ASTN2: variants seen among roughly 807,000 people sequenced by gnomAD.
ASTN2 encodes the protein astrotactin-2.
A neutral mutation model predicts 139.8 loss-of-function variants in ASTN2; 54 were observed. The ratio of observed to expected loss-of-function variants is 0.39; its 90% confidence interval spans 0.31 to 0.48. ASTN2 has a LOEUF of 0.48. ASTN2 is among the 20% of genes least tolerant of loss of function. ASTN2 has a pLI of 0.95. For missense variants in ASTN2, 1,565 were observed against 1,725.1 expected (o/e 0.91, Z 1.64); for synonymous variants, 756 against 719.5 (o/e 1.05, Z -0.81).
intron 17 of ASTN2, among the ~76,000 whole-genome samples, chr9:116,651,167 T>G (rs1045193260): frequency 2.0e-5 from 3 of 152,070 alleles, no homozygotes; most frequent in Admixed American, 6.5e-5. Context: ...TCCACCCGCC[T>G]TGGCCTCCCA....
intron 1 of ASTN2, among the ~76,000 whole-genome samples, chr9:117,364,147 C>G (rs1829769220): frequency 6.6e-6 from 1 of 152,276 alleles, no homozygotes; most frequent in African/African-American, 2.4e-5. Flanking sequence ...CTACAACACC[C>G]CACAGAGTAG....
intron 13 of ASTN2, among the ~76,000 whole-genome samples, chr9:116,790,482 G>A (rs1040639912): frequency 1.9e-4 from 29 of 151,764 alleles, no homozygotes; most frequent in African/African-American, 6.5e-4. Flanking sequence ...TGACTTTCAC[G>A]TCTGCAGACC....
intron 2 of ASTN2, among the ~76,000 whole-genome samples, chr9:117,225,539 A>G (rs4440692): frequency 0.24 from 7,101 of 29,652 alleles, 1,322 homozygotes; most frequent in East Asian, 0.5. Flanking sequence ...CTGTATGTAT[A>G]TATATATATA....
At chr9:116,600,412 G>A (rs955054929) in intron 19 of ASTN2, among the ~76,000 whole-genome samples, 2 of 152,028 alleles carry the variant, frequency 1.3e-5, no homozygotes, top group Non-Finnish European at 2.9e-5. Flanking sequence ...CCTGATCCAT[G>A]GGCTTCTTGC....
intron 4 of ASTN2, among the ~76,000 whole-genome samples, chr9:117,111,874 C>A (rs2132789323): frequency 6.6e-6 from 1 of 151,930 alleles, no homozygotes; most frequent in South Asian, 2.1e-4. Flanking sequence ...TTAAAGATGA[C>A]ATAATTATTT....
chr9:117,216,838 A>G (rs61530386), intron 2 of ASTN2, among the ~76,000 whole-genome samples: 2,651 of 152,268 alleles, frequency 0.017, 70 homozygotes, highest in African/African-American at 0.061. Context: ...CTAATCCTTG[A>G]TAAACACAAG....
chr9:116,972,700 G>A (rs1836244192), intron 10 of ASTN2, among the ~76,000 whole-genome samples: 1 of 152,124 alleles, frequency 6.6e-6, no homozygotes, highest in African/African-American at 2.4e-5. Context: ...GTCACAGCCT[G>A]TACATTTAAC....
At chr9:116,532,743 T>C (rs1490922376) in intron 19 of ASTN2, among the ~76,000 whole-genome samples, 8 of 152,294 alleles carry the variant, frequency 5.3e-5, no homozygotes, top group South Asian at 4.1e-4. Flanking sequence ...GTACCAGTAC[T>C]ATGCTGTTTT....
At chr9:116,773,104 T>C (rs10739473) in intron 13 of ASTN2, among the ~76,000 whole-genome samples, 55,764 of 144,950 alleles carry the variant, frequency 0.38, 13,160 homozygotes, top group Non-Finnish European at 0.53. Flanking sequence ...TTTTTTTGAA[T>C]ACCTGTCTTG....
At chr9:116,547,152 G>A (rs1852132563) in intron 19 of ASTN2, among the ~76,000 whole-genome samples, 2 of 152,150 alleles carry the variant, frequency 1.3e-5, no homozygotes, top group Admixed American at 1.3e-4. Flanking sequence ...TTCCAGAGAA[G>A]ACCAAGGTCA....
At chr9:116,993,458 T>TCAAA (rs528281168) in intron 7 of ASTN2, among the ~76,000 whole-genome samples, 1 of 148,224 alleles carries the variant, frequency 6.7e-6, no homozygotes, top group Non-Finnish European at 1.5e-5. Context: ...TCTACAGGCT[T>TCAAA]CACACACACA....
intron 10 of ASTN2, among the ~76,000 whole-genome samples, chr9:116,973,154 CTTACTAGTGAAGGCA>C (rs1383887769): frequency 1.3e-5 from 2 of 152,102 alleles, no homozygotes; most frequent in African/African-American, 4.8e-5. Flanking sequence ...GGCTTCATCT[CTTACTAGTGAAGGCA>C]TTACCTCTAT....
intron 16 of ASTN2, among the ~76,000 whole-genome samples, chr9:116,664,788 T>C (rs997246209): frequency 1.3e-4 from 20 of 152,206 alleles, no homozygotes; most frequent in Non-Finnish European, 2.8e-4. Context: ...TAGTGAGGAA[T>C]ATTCCAAACA....
intron 13 of ASTN2, among the ~76,000 whole-genome samples, chr9:116,800,702 G>A (rs758548146): frequency 1.6e-4 from 25 of 152,282 alleles, no homozygotes; most frequent in Admixed American, 3.9e-4. Flanking sequence ...AGGGAGCACT[G>A]GTTTGGGAGT....
chr9:117,001,331 T>A (rs1837185652), intron 7 of ASTN2, among the ~76,000 whole-genome samples: 1 of 152,314 alleles, frequency 6.6e-6, no homozygotes, highest in Non-Finnish European at 1.5e-5. Flanking sequence ...CTTCAGGGTT[T>A]AGTTTTTCCA....
At chr9:117,366,684 C>T (rs1587985090) in intron 1 of ASTN2, among the ~76,000 whole-genome samples, 2 of 152,244 alleles carry the variant, frequency 1.3e-5, no homozygotes, top group Admixed American at 1.3e-4. Flanking sequence ...AGCTCCTGCA[C>T]CCTCCAAGGC....
At chr9:117,198,617 T>G (rs2132984160) in intron 3 of ASTN2, among the ~76,000 whole-genome samples, 1 of 152,308 alleles carries the variant, frequency 6.6e-6, no homozygotes, top group Middle Eastern at 3.4e-3. Context: ...TGCATGTATC[T>G]TTATAGAATG....
intron 19 of ASTN2, among the ~76,000 whole-genome samples, chr9:116,570,361 G>T (rs4837635): frequency 0.16 from 24,487 of 150,480 alleles, 2,156 homozygotes; most frequent in African/African-American, 0.22. Context: ...ATCACCTATT[G>T]TTCTACAGGT....
intron 11 of ASTN2, among the ~76,000 whole-genome samples, chr9:116,862,497 G>A (rs1588363341): frequency 6.6e-6 from 1 of 152,118 alleles, no homozygotes; most frequent in Admixed American, 6.6e-5. Flanking sequence ...GGAGGGAAAA[G>A]GCTTCATAAA....
Sources: allele counts gnomAD v4.1 joint callset (sites outside exome capture counted in the v4.1 genomes callset), GRCh38; gene constraint gnomAD v4.1.1; transcripts MANE v1.5; gene names NCBI Gene and HGNC (gene_info 2026-07-23, HGNC 2026-07-21).